Variants in RTCA observed in about 807,000 individuals in gnomAD.
RTCA encodes the protein RNA terminal phosphate cyclase domain 1.
A neutral mutation model predicts 46.1 loss-of-function variants in RTCA; 37 were observed. That is an observed-to-expected ratio of 0.80 (90% CI 0.62 to 1.06). The LOEUF (loss-of-function observed/expected upper bound fraction) is 1.06, where lower values mean the gene tolerates loss of function less well. Ranked by LOEUF, RTCA falls within the 50% of genes least tolerant of loss-of-function variation. The pLI is 0.00. For missense variants in RTCA, 435 were observed against 455.5 expected (o/e 0.95, Z 0.41); for synonymous variants, 164 against 158.3 (o/e 1.04, Z -0.27).
chr1:100,273,798 C>T (rs1666228486), intron 5 of RTCA, among the ~76,000 whole-genome samples: 1 of 152,194 alleles, frequency 6.6e-6, no homozygotes, highest in Admixed American at 6.5e-5. Context: ...GAATTCTCTT[C>T]CACAATGTGA....
intron 8 of RTCA, among the ~76,000 whole-genome samples, chr1:100,284,445 G>A (rs2100810887): frequency 6.7e-6 from 1 of 149,558 alleles, no homozygotes; most frequent in South Asian, 2.1e-4. Context: ...CCAGGATGGA[G>A]TACAGTGGCA....
At chr1:100,271,856 C>A (rs572314783) in intron 4 of RTCA, among the ~76,000 whole-genome samples, 1 of 152,308 alleles carries the variant, frequency 6.6e-6, no homozygotes, top group Admixed American at 6.5e-5. Context: ...CAGTCCTGAG[C>A]CTCAGCCCCT....
chr1:100,290,754 A>G (rs918831456), intron 10 of RTCA, among the ~76,000 whole-genome samples: 17 of 152,236 alleles, frequency 1.1e-4, no homozygotes, highest in Admixed American at 6.5e-5. Flanking sequence ...TGACAGAGCA[A>G]GACTCTGTCT....
At position 100,291,573 on chromosome 1, in the gene RTCA, C is replaced by T; in HGVS notation, c.*69C>T. 4.2e-6 allele frequency: 4 copies of T among 956,962 alleles called. No homozygotes were observed. Among genetic ancestry groups the T allele is most frequent in the Non-Finnish European group, 6.4e-6 (4 of 624,270 alleles). The allele number at this position is 956,962 out of a possible 1,614,324, so 59.3% of individuals were successfully genotyped here. On this transcript the variant is annotated 3_prime_UTR_variant, in exon 11 of 11. Transcript: ENST00000370128. Reference sequence around the variant, plus strand: ...TTTCATAAATACTATAAAATAATGACTAGGAAGTAACTTATTAAAGGCTAT... The same window carrying T: ...TTTCATAAATACTATAAAATAATGATTAGGAAGTAACTTATTAAAGGCTAT...
At chr1:100,285,394 T>G in intron 9 of RTCA, 72 bp downstream of exon 9, 1 of 1,017,286 alleles carries the variant, frequency 9.8e-7, no homozygotes, top group African/African-American at 1.6e-5. Context: ...AATATCAATT[T>G]AAATAATTGA....
chr1:100,266,963 C>T (rs1364105691), intron 2 of RTCA: 3 of 342,444 alleles, frequency 8.8e-6, no homozygotes, highest in South Asian at 5.8e-5. Context: ...GGCAGAAATG[C>T]TTGTGACGCC....
At chr1:100,288,715 G>C (rs138857674) in intron 10 of RTCA, among the ~76,000 whole-genome samples, 46 of 152,194 alleles carry the variant, frequency 3.0e-4, no homozygotes, top group African/African-American at 1.1e-3. Flanking sequence ...TTTTTAAAGT[G>C]ACAAAAGTAA....
intron 8 of RTCA, among the ~76,000 whole-genome samples, chr1:100,283,789 A>G (rs778008498): frequency 5.3e-5 from 8 of 151,876 alleles, no homozygotes; most frequent in Non-Finnish European, 1.2e-4. Flanking sequence ...TATGACTACT[A>G]TAAAGAAAAA....
rs375864231 is a variant in RTCA at position 100,285,307 on chromosome 1, G to C, written c.879G>C (p.Glu293Asp). The C allele has an allele frequency of 6.2e-7, 1 of 1,612,792 alleles. No homozygotes were observed. The highest frequency in any genetic ancestry group is 8.5e-7 in the Non-Finnish European group (1 of 1,178,924). ...ANLRHGGTVD[E>D]YLQDQLIVFM... ...TTAGACATGGTGGTACTGTGGATGA[G>C]TATCTGCAAGACCAGGTAATGACAC... Residue 293 changes from glutamate (E) to aspartate (D), a missense_variant, in exon 9 of 11, where the codon GAG becomes GAC. Coordinates refer to ENST00000370128, the MANE Select transcript of RTCA (RefSeq NM_003729.4).
At chr1:100,291,179 C>T (rs1034766308) in intron 10 of RTCA, among the ~76,000 whole-genome samples, 4 of 152,182 alleles carry the variant, frequency 2.6e-5, no homozygotes, top group Non-Finnish European at 5.9e-5. Context: ...TTGGACAAAA[C>T]TCACAGGTAT....
chr1:100,289,168 G>C (rs1445276972), intron 10 of RTCA, among the ~76,000 whole-genome samples: 1 of 151,092 alleles, frequency 6.6e-6, no homozygotes, highest in Non-Finnish European at 1.5e-5. Flanking sequence ...TTGCTCTGTT[G>C]CCCAGGCTAG....
intron 8 of RTCA, among the ~76,000 whole-genome samples, chr1:100,279,811 A>C (rs1666589984): frequency 6.6e-6 from 1 of 152,216 alleles, no homozygotes; most frequent in Non-Finnish European, 1.5e-5. Flanking sequence ...TTGAGCAAGC[A>C]ACTGCAAGTG....
In RTCA at chr1:100,274,913, G is replaced by T; in HGVS notation, c.563G>T (p.Cys188Phe). 1 of 1,613,104 alleles carries T rather than the reference G, an allele frequency of 6.2e-7. No individual in the cohort carries two copies. The highest frequency in any genetic ancestry group is 8.5e-7 in the Non-Finnish European group (1 of 1,179,288). The change falls in exon 6 of 11, where the codon TGT becomes TTT. Residue 188 changes from cysteine to phenylalanine, a missense_variant. Cys to Phe is a radical substitution (Grantham distance 205). Transcript: ENST00000370128. ...CCTATAAATTTAACTGAGCGTGGCT[G>T]TGTGACTAAGATATATGGAAGAGCT... The part of the protein sequence containing the change: ...LNPINLTERG[C>F]VTKIYGRAFV...
At position 100,291,387 on chromosome 1, in the gene RTCA, C is replaced by T. The variant is rs1260342615; in HGVS notation, c.1000-16C>T. On this transcript the variant is annotated splice_polypyrimidine_tract_variant and intron_variant, in intron 10 of 10. Coordinates refer to ENST00000370128, the MANE Select transcript of RTCA (RefSeq NM_003729.4). ...TCTCTCTTCGTATTACTTATATACT[C>T]CTCTTCTGATTTCAGGCTAAATTTA... is the stretch of plus-strand genomic sequence containing the variant. The T allele has an allele frequency of 2.6e-6, 4 of 1,550,420 alleles. No individual in the cohort carries two copies. The highest frequency in any genetic ancestry group is 3.5e-6 in the Non-Finnish European group (4 of 1,127,154).
rs754937331 is a variant in RTCA at position 100,275,752 on chromosome 1, G to A, written c.740+29G>A. 7.6e-6 allele frequency: 12 copies of A among 1,576,916 alleles called. No homozygotes were observed. In the Admixed American group the frequency reaches 1.1e-4, roughly 15 times the overall value. ...AGACAATACTTTTTCCTACACATTAGTTGAGAACCCTAAAATAGTTATCTA... is the reference window on the plus strand; with the variant it reads ...AGACAATACTTTTTCCTACACATTAATTGAGAACCCTAAAATAGTTATCTA... On this transcript the variant is annotated intron_variant, in intron 7 of 10. Transcript: ENST00000370128.
At chr1:100,266,717 A>G in intron 2 of RTCA, 93 bp downstream of exon 2, 1 of 1,070,660 alleles carries the variant, frequency 9.3e-7, no homozygotes, top group Non-Finnish European at 1.4e-6. Flanking sequence ...GAGTGGTGGA[A>G]CCCAGAAGGT....
At position 100,277,302 on chromosome 1, in the gene RTCA, C is replaced by G. The variant is rs751622009; in HGVS notation, c.785C>G (p.Ser262Trp). The G allele has an allele frequency of 1.2e-6, 2 of 1,611,436 alleles. No individual in the cohort carries two copies. The highest frequency in any genetic ancestry group is 1.7e-5 in the Admixed American group (1 of 59,376). ...TSTGCLFAGS[S>W]LGKRGVNADK... ...ACTGGCTGTTTGTTTGCTGGATCAT[C>G]GCTTGGTAAACGAGGTAAGATAAAT... is the stretch of plus-strand genomic sequence containing the variant. Residue 262 changes from serine to tryptophan, a missense_variant, in exon 8 of 11, where the codon TCG (serine) becomes TGG (tryptophan). Ser to Trp is a radical substitution (Grantham distance 177). Transcript: ENST00000370128.
rs1359413483 is a variant in RTCA at position 100,287,191 on chromosome 1, A to G, written c.987A>G (p.Glu329=). 1.3e-6 allele frequency: 2 copies of G among 1,571,878 alleles called. No homozygotes were observed. Among genetic ancestry groups the G allele is most frequent in the Non-Finnish European group, 1.7e-6 (2 of 1,163,482 alleles). ...CGCAAACCGCGATACATTTTGCTGA[A>G]CAAATAGCAAAGGTGAGTATTCTAT... ...LHTQTAIHFA[E]QIAKAKFIVK... Residue 329 remains glutamate (E), a synonymous_variant, in exon 10 of 11, where the codon GAA becomes GAG. Coordinates refer to ENST00000370128, the MANE Select transcript of RTCA (RefSeq NM_003729.4).
At chr1:100,274,729 G>A (rs1666280371) in intron 5 of RTCA, 95 bp from the exon 6 acceptor site, 8 of 1,292,082 alleles carry the variant, frequency 6.2e-6, no homozygotes, top group Non-Finnish European at 7.4e-6. Context: ...TGGATTACAT[G>A]TTTGGATATC....
Sources: allele counts gnomAD v4.1 joint callset (sites outside exome capture counted in the v4.1 genomes callset), GRCh38; gene constraint gnomAD v4.1.1; transcripts MANE v1.5; gene names NCBI Gene and HGNC (gene_info 2026-07-23, HGNC 2026-07-21).